The following CLCN2 variants were observed in gnomAD, a reference collection of about 807,000 sequenced individuals.
CLCN2 encodes chloride voltage-gated channel 2, also known as chloride channel protein 2.
CLCN2 carries 72 observed loss-of-function variants against 108.3 expected under a neutral mutation model. The ratio of observed to expected loss-of-function variants is 0.66; its 90% CI spans 0.55 to 0.81. The LOEUF is 0.81. Among genes scored for constraint, CLCN2 ranks in the 30% least tolerant of loss-of-function variants. The pLI, the probability that CLCN2 is intolerant of heterozygous loss-of-function variation, is 0.00. For missense variants in CLCN2, 1,048 were observed against 1,205.2 expected (o/e 0.87, Z 1.93); for synonymous variants, 471 against 467.1 (o/e 1.01, Z -0.11).
At chr3:184,359,946 C>T (rs1375035689) in intron 1 of CLCN2, among the ~76,000 whole-genome samples, 1 of 115,908 alleles carries the variant, frequency 8.6e-6, no homozygotes, top group Non-Finnish European at 1.6e-5. Flanking sequence ...CTGCCACCCG[C>T]AGAGCTTCGG....
rs377119579 is a variant in CLCN2, at chr3:184,357,983, G to A, written c.594C>T (p.Ser198=). Residue 198 remains serine (S), a synonymous_variant, in exon 5 of 24, where the codon AGC becomes AGT. Transcript: ENST00000265593. ...TTACCTCTTTGCCAAGCGGCATCCC[G>A]CTGCCTAGGGCGCAGGTCAGCCCAA... ...KVIGLTCALG[S]GMPLGKEGPF... 20 of 1,613,936 alleles carry A rather than the reference G, an allele frequency of 1.2e-5. No individual in the cohort carries two copies. The highest frequency in any genetic ancestry group is 2.2e-5 in the East Asian group (1 of 44,888).
intron 22 of CLCN2, chr3:184,347,246 C>G (rs750322070): frequency 2.3e-4 from 134 of 593,004 alleles, no homozygotes; most frequent in Non-Finnish European, 3.6e-4. Context: ...CCTTATATTG[C>G]TTACACTGAC....
At chr3:184,359,528 C>A (rs780374860) in intron 1 of CLCN2, among the ~76,000 whole-genome samples, 21 of 152,236 alleles carry the variant, frequency 1.4e-4, no homozygotes, top group Non-Finnish European at 2.5e-4. Flanking sequence ...ACATGGGCAA[C>A]AATAAGAGCC....
At chr3:184,359,768 A>C (rs1711725325) in intron 1 of CLCN2, among the ~76,000 whole-genome samples, 1 of 151,964 alleles carries the variant, frequency 6.6e-6, no homozygotes, top group Admixed American at 6.5e-5. Context: ...CCTCAGCCCC[A>C]TTCTGGAGCT....
chr3:184,359,830 G>A (rs983825164), intron 1 of CLCN2, among the ~76,000 whole-genome samples: 2 of 152,176 alleles, frequency 1.3e-5, no homozygotes, highest in African/African-American at 4.8e-5. Context: ...GGATGGCTGG[G>A]CTGTGACTGT....
In CLCN2 at chr3:184,352,136, G is replaced by T. The variant is rs752216152; in HGVS notation, c.2311-19C>A. On this transcript the variant is annotated intron_variant, in intron 21 of 23. Transcript: ENST00000265593. ...CCAGAATCTGAGGGGAAGAGACTAT[G>T]AGGTTTAGGGAGAAGGTGCCTGTAG... The T allele has an allele frequency of 4.4e-6, 7 of 1,605,820 alleles. No individual in the cohort carries two copies. Among genetic ancestry groups the T allele is most frequent in the East Asian group, 4.5e-5 (2 of 44,838 alleles).
chr3:184,346,377 C>G lies in CLCN2; in HGVS notation c.*229G>C. ...GGTCAAGTGACCCCAACCCATCCTG[C>G]CAGGGCAGGGCCTATCTTCCTGCCT... On this transcript the variant is annotated 3_prime_UTR_variant, in exon 24 of 24. Transcript: ENST00000265593. This position sits in a 1 kb window ranked among gnomAD's most constrained non-coding sequence, Gnocchi z 6.0. 1 of 597,228 alleles carries G rather than the reference C, an allele frequency of 1.7e-6. No homozygotes were observed. 37.0% of individuals were successfully genotyped at this position (597,228 alleles called of 1,614,324 possible). A position where few individuals can be genotyped will look rare whatever the true frequency, so the allele number is the denominator to read the frequency against.
intron 1 of CLCN2, among the ~76,000 whole-genome samples, chr3:184,359,818 G>T (rs756038729): frequency 6.6e-6 from 1 of 152,212 alleles, no homozygotes; most frequent in Non-Finnish European, 1.5e-5. Flanking sequence ...AGCGGAGGCT[G>T]AGGATGGCTG....
chr3:184,348,897 C>T (rs1249492509), intron 22 of CLCN2: 1 of 152,248 alleles, frequency 6.6e-6, no homozygotes, highest in Non-Finnish European at 1.5e-5. Context: ...ACTATCCTCA[C>T]TAAGACTGGG....
At chr3:184,358,642 G>T (rs779514623) in intron 3 of CLCN2, 40 bp downstream of exon 3, 1 of 1,554,254 alleles carries the variant, frequency 6.4e-7, no homozygotes, top group East Asian at 2.4e-5. Flanking sequence ...GACGCAGGAG[G>T]TTTATTCCCA....
At position 184,357,036 on chromosome 3, in the gene CLCN2, C is replaced by T. The variant is rs766127337; in HGVS notation, c.1042G>A (p.Val348Met). The change falls in exon 10 of 24, where the codon GTG (valine) becomes ATG (methionine). Residue 348 changes from valine (V) to methionine (M), a missense_variant. Physicochemically the swap from Val to Met is conservative, Grantham distance 21. Coordinates refer to ENST00000265593, the MANE Select transcript of CLCN2 (RefSeq NM_004366.6). The part of the protein sequence containing the change: ...FVYLNRKIVQ[V>M]MRKQKTINRF... Reference sequence around the variant, plus strand: ...TTGATGGTTTTCTGCTTCCGCATCACCTGGACAATCTTCCGGTTCAGGTAG... The same window carrying T: ...TTGATGGTTTTCTGCTTCCGCATCATCTGGACAATCTTCCGGTTCAGGTAG... 1.2e-6 allele frequency: 2 copies of T among 1,613,868 alleles called. No homozygotes were observed. Among genetic ancestry groups the T allele is most frequent in the African/African-American group, 1.3e-5 (1 of 75,034 alleles).
In CLCN2 at chr3:184,355,423, G is replaced by A. The variant is rs1245364686; in HGVS notation, c.1277C>T (p.Pro426Leu). Residue 426 changes from proline to leucine, a missense_variant, in exon 12 of 24, where the codon CCA (proline) becomes CTA (leucine). Transcript: ENST00000265593. The surrounding 1 kb of genome is among the most constrained non-coding windows in gnomAD (Gnocchi z 6.3). Reference protein sequence around the residue: ...EPPSTSQAWNPPRANVFLTLV... With the variant: ...EPPSTSQAWNLPRANVFLTLV... Reference sequence around the variant, plus strand: ...GGTGAGGAAGACGTTGGCACGTGGTGGGTTCCAGGCCTGTGAGGTGCTGGG... The same window carrying A: ...GGTGAGGAAGACGTTGGCACGTGGTAGGTTCCAGGCCTGTGAGGTGCTGGG... The A allele has an allele frequency of 1.2e-6, 2 of 1,614,016 alleles. No homozygotes were observed. Among genetic ancestry groups the A allele is most frequent in the Middle Eastern group, 1.7e-4 (1 of 5,958 alleles).
intron 18 of CLCN2, 26 bp from the exon 19 acceptor site, chr3:184,352,836 G>A (rs1194049999): frequency 6.2e-7 from 1 of 1,612,010 alleles, no homozygotes; most frequent in South Asian, 1.1e-5. Flanking sequence ...TAAGGCCCCA[G>A]GGGGCAATGT....
intron 1 of CLCN2, 95 bp from the exon 2 acceptor site, chr3:184,359,226 C>T (rs1422913644): frequency 1.4e-6 from 2 of 1,443,120 alleles, no homozygotes; most frequent in Non-Finnish European, 9.7e-7. Flanking sequence ...TCTCCCAGCC[C>T]CCACACTGGA....
chr3:184,360,565 C>T (rs1175531021), intron 1 of CLCN2, among the ~76,000 whole-genome samples: 5 of 152,256 alleles, frequency 3.3e-5, no homozygotes, highest in South Asian at 2.1e-4. Flanking sequence ...CTCTCCAAGA[C>T]GTTCCCTCCC....
rs767722760 is a variant in CLCN2 at position 184,355,782 on chromosome 3, G to C, written c.1086-4C>G. On this transcript the variant is annotated splice_polypyrimidine_tract_variant and splice_region_variant and intron_variant, in intron 10 of 23. Coordinates refer to ENST00000265593, the MANE Select transcript of CLCN2 (RefSeq NM_004366.6). The surrounding 1 kb of genome is among the most constrained non-coding windows in gnomAD (Gnocchi z 6.3). ...CAGAGCCGGGAAGAGCAGGCGTCTA[G>C]AGTCGTAGGTTTCACATCAGTCGTG... is the stretch of plus-strand genomic sequence containing the variant. 6.2e-7 allele frequency: 1 copy of C among 1,613,986 alleles called. No homozygotes were observed.
Position 184,361,174 on chromosome 3 carries a change from G to T in CLCN2, c.63+243C>A, listed in dbSNP as rs1712042833. On this transcript the variant is annotated intron_variant, in intron 1 of 23. Transcript: ENST00000265593. This position sits in a 1 kb window ranked among gnomAD's most constrained non-coding sequence, Gnocchi z 6.6. ...AAAACGTGCATGTTGTGGGGTGAGG[G>T]GAAGGACACCTGAGACAAGTACCTG... 6.6e-6 allele frequency among the ~76,000 whole-genome samples: 1 copy of T among 152,138 alleles called. No individual in the cohort carries two copies. The highest frequency in any genetic ancestry group is 1.5e-5 in the Non-Finnish European group (1 of 68,014).
chr3:184,353,935 T>G, intron 15 of CLCN2, 140 bp from the exon 16 acceptor site: 1 of 1,436,210 alleles, frequency 7.0e-7, no homozygotes, highest in Non-Finnish European at 9.5e-7. Flanking sequence ...CTCCCACCCT[T>G]CTTTCTGAAC....
intron 1 of CLCN2, among the ~76,000 whole-genome samples, chr3:184,360,017 CAG>C (rs1164549033): frequency 1.3e-5 from 2 of 149,422 alleles, no homozygotes; most frequent in African/African-American, 2.5e-5. Context: ...AAGATAGAGA[CAG>C]AGAGAGGGTG....
Sources: allele counts gnomAD v4.1 joint callset (sites outside exome capture counted in the v4.1 genomes callset), GRCh38; gene constraint gnomAD v4.1.1; non-coding constraint Gnocchi (gnomAD v3.1); transcripts MANE v1.5; gene names NCBI Gene and HGNC (gene_info 2026-07-23, HGNC 2026-07-21).